The following PUDP variants were observed in gnomAD, a reference collection of about 807,000 sequenced individuals.
The protein encoded by PUDP is pseudouridine-5'-phosphatase.
Under a neutral mutation model 9.4 loss-of-function variants are expected in PUDP, and 8 were observed. The observed-to-expected ratio is 0.85, with a 90% CI of 0.50 to 1.53. The LOEUF (loss-of-function observed/expected upper bound fraction) is 1.53, where lower values mean the gene tolerates loss of function less well. PUDP is among the 40% of genes most tolerant of loss of function. PUDP has a pLI of 0.00. For missense variants in PUDP, 188 were observed against 189.7 expected (o/e 0.99, Z 0.05); for synonymous variants, 99 against 80.7 (o/e 1.23, Z -1.22).
At chrX:6,724,079 CT>C (rs1472271342), upstream of PUDP, among the ~76,000 whole-genome samples, 3 of 111,583 alleles carry the variant, frequency 2.7e-5, no homozygotes, top group Non-Finnish European at 5.6e-5. Context: ...GCATTTTAAT[CT>C]TTTCCCCTTA....
intron 1 of PUDP, among the ~76,000 whole-genome samples, chrX:7,000,205 C>T (rs1432058827): frequency 2.7e-5 from 3 of 111,196 alleles, no homozygotes; most frequent in African/African-American, 6.5e-5. Flanking sequence ...AATGTAAATA[C>T]TATAGAGATA....
intron 1 of PUDP, among the ~76,000 whole-genome samples, chrX:7,133,885 TG>T (rs1456683050): frequency 2.7e-5 from 3 of 112,367 alleles, no homozygotes; most frequent in Non-Finnish European, 5.6e-5. Context: ...TGATTTTACT[TG>T]ATCTCAGCAT....
intron 3 of PUDP, among the ~76,000 whole-genome samples, chrX:6,824,555 T>C (rs1158335564): frequency 9.0e-6 from 1 of 111,586 alleles, no homozygotes; most frequent in Non-Finnish European, 1.9e-5. Context: ...CCTGACACCA[T>C]AACCTGTCTG....
intron 3 of PUDP, among the ~76,000 whole-genome samples, chrX:6,762,894 T>A (rs1925243433): frequency 8.9e-6 from 1 of 111,830 alleles, no homozygotes; most frequent in African/African-American, 3.3e-5. Context: ...GGGCATACTC[T>A]AAAAATAATT....
At chrX:7,001,668 G>A (rs1243927143) in intron 1 of PUDP, among the ~76,000 whole-genome samples, 1 of 111,372 alleles carries the variant, frequency 9.0e-6, no homozygotes, top group Non-Finnish European at 1.9e-5. Context: ...ACAGACTTAA[G>A]TCCCTTGAAT....
chrX:6,924,379 G>T (rs1481369160), intron 3 of PUDP, among the ~76,000 whole-genome samples: 1 of 111,849 alleles, frequency 8.9e-6, no homozygotes, highest in Non-Finnish European at 1.9e-5. Flanking sequence ...ATAGAACGGG[G>T]GTTGAAAGAG....
At chrX:6,816,995 TATATATAATATATATACACATATA>T in intron 3 of PUDP, among the ~76,000 whole-genome samples, 1 of 99,057 alleles carries the variant, frequency 1.0e-5, no homozygotes, top group East Asian at 3.0e-4. Flanking sequence ...TACTATATAG[TATATATAATATATATACACATATA>T]GTATATACTA....
At chrX:7,078,081 C>T (rs904702008) in intron 2 of PUDP, among the ~76,000 whole-genome samples, 18 of 111,765 alleles carry the variant, frequency 1.6e-4, no homozygotes, top group African/African-American at 5.5e-4. Context: ...TCAACAGCAA[C>T]GTGCCATATG....
intron 3 of PUDP, among the ~76,000 whole-genome samples, chrX:6,842,868 G>C (rs1382838046): frequency 1.8e-5 from 2 of 112,242 alleles, no homozygotes; most frequent in Non-Finnish European, 3.8e-5. Flanking sequence ...ATCAATTAAA[G>C]GTCATGTCAT....
chrX:6,818,756 T>C (rs1052878808), intron 3 of PUDP, among the ~76,000 whole-genome samples: 1 of 111,895 alleles, frequency 8.9e-6, no homozygotes, highest in African/African-American at 3.2e-5. Flanking sequence ...CTGCCACAGG[T>C]AAAATATAAT....
intron 1 of PUDP, among the ~76,000 whole-genome samples, chrX:7,037,109 T>C (rs1318173629): frequency 9.0e-6 from 1 of 111,482 alleles, no homozygotes; most frequent in African/African-American, 3.3e-5. Context: ...CCTCATCTTT[T>C]TGGACTAGAA....
At chrX:6,936,387 A>G (rs1337088261) in intron 3 of PUDP, among the ~76,000 whole-genome samples, 25 of 84,502 alleles carry the variant, frequency 3.0e-4, no homozygotes, top group African/African-American at 9.6e-4. Context: ...CAAAAACCAC[A>G]CGATTATCTC....
intron 3 of PUDP, among the ~76,000 whole-genome samples, chrX:6,923,593 T>C (rs1928056583): frequency 9.0e-6 from 1 of 111,472 alleles, no homozygotes; most frequent in Admixed American, 9.6e-5. Context: ...TCCATCAAGA[T>C]GTATCCAGAA....
At chrX:6,998,717 A>G (rs949254886) in intron 1 of PUDP, among the ~76,000 whole-genome samples, 1 of 112,373 alleles carries the variant, frequency 8.9e-6, no homozygotes, top group Non-Finnish European at 1.9e-5. Context: ...TTCACAATTA[A>G]GAATAAAATT....
chrX:7,000,666 TCAC>T (rs1181317681), intron 1 of PUDP, among the ~76,000 whole-genome samples: 1 of 108,765 alleles, frequency 9.2e-6, no homozygotes, highest in Admixed American at 9.8e-5. Context: ...AACTCATTAA[TCAC>T]CACAGAAAAA....
In PUDP at chrX:7,148,086, G is replaced by C. The variant is rs1174640471; in HGVS notation, c.28C>G (p.His10Asp). The C allele has an allele frequency of 5.3e-6, 6 of 1,135,172 alleles. No homozygotes were observed. Among genetic ancestry groups the C allele is most frequent in the Non-Finnish European group, 7.0e-6 (6 of 856,627 alleles). 93.6% of individuals were successfully genotyped at this position (1,135,172 alleles called of 1,213,427 possible). Residue 10 changes from histidine (H) to aspartate (D), a missense_variant, in exon 1 of 4, where the codon CAC becomes GAC. By Grantham distance (81) the His-to-Asp change is moderately conservative. Transcript: ENST00000381077. MAAPPQPVT[H>D]LIFDMDGLLL... is the part of the protein sequence containing the mutation. ...AGTCCGTCCATGTCAAAGATGAGGT[G>C]GGTGACGGGCTGCGGGGGCGCCGCC... is the stretch of plus-strand genomic sequence containing the variant.
chrX:6,899,048 T>C (rs971245482), intron 3 of PUDP, among the ~76,000 whole-genome samples: 1 of 112,245 alleles, frequency 8.9e-6, no homozygotes, highest in Admixed American at 9.5e-5. Context: ...GTGTAGCCTG[T>C]CTAACTCCCT....
At chrX:6,823,074 G>GCAAAAA (rs1926371912) in intron 3 of PUDP, among the ~76,000 whole-genome samples, 1 of 111,454 alleles carries the variant, frequency 9.0e-6, no homozygotes, top group Non-Finnish European at 1.9e-5. Flanking sequence ...ACATTAAAAA[G>GCAAAAA]CAAAAACAAA....
intron 2 of PUDP, among the ~76,000 whole-genome samples, chrX:7,093,938 T>A (rs1482276372): frequency 9.1e-6 from 1 of 110,449 alleles, no homozygotes; most frequent in Non-Finnish European, 1.9e-5. Context: ...GGGCCCTGTC[T>A]CTACAGAAAA....
Sources: gnomAD v4.1 joint callset for allele counts (sites outside exome capture counted in the v4.1 genomes callset) on GRCh38, gnomAD v4.1.1 for gene constraint, MANE v1.5 for transcripts, NCBI Gene and HGNC (gene_info 2026-07-23, HGNC 2026-07-21) for gene names.